TM4SF19: variants seen among roughly 807,000 people sequenced by gnomAD.
TM4SF19 encodes the protein transmembrane 4 L6 family member 19.
Under a neutral mutation model 21.8 loss-of-function variants are expected in TM4SF19, and 17 were observed. The ratio of observed to expected loss-of-function variants is 0.78; its 90% CI spans 0.53 to 1.17. The LOEUF is 1.17. TM4SF19 is among the 50% of genes most tolerant of loss of function. The probability of loss-of-function intolerance (pLI) is 0.00; values close to 1 mark genes in which losing one functional copy is unlikely to be tolerated. For synonymous variants in TM4SF19, 107 were observed against 106.7 expected (o/e 1.00, Z -0.02); for missense variants, 216 against 252.1 (o/e 0.86, Z 0.97).
chr3:196,336,460 CTA>C (rs1468526596), intron 1 of TM4SF19, among the ~76,000 whole-genome samples: 1 of 152,164 alleles, frequency 6.6e-6, no homozygotes, highest in Non-Finnish European at 1.5e-5. Flanking sequence ...AAAGGGGAAA[CTA>C]AAAATGATGG....
chr3:196,326,240 G>A (rs778225126), intron 3 of TM4SF19, among the ~76,000 whole-genome samples: 1 of 152,204 alleles, frequency 6.6e-6, no homozygotes, highest in Non-Finnish European at 1.5e-5. Context: ...CTCCCAAAGT[G>A]CTGGGATTAC....
rs545432630 is a variant in TM4SF19 at position 196,327,190 on chromosome 3, C to T, written c.202-158G>A. Among the ~76,000 whole-genome samples, 71 of 152,310 alleles carry T rather than the reference C, an allele frequency of 4.7e-4. 1 individual carries two copies. The highest frequency in any genetic ancestry group is 1.2e-3 in the African/African-American group (49 of 41,568). On this transcript the variant is annotated intron_variant, in intron 2 of 4. Transcript: ENST00000273695. Reference sequence around the variant, plus strand: ...CATTTGTATGACGAGCCTGATCTAACGCTGTGGATGTTAACTTTCACACCC... The same window carrying T: ...CATTTGTATGACGAGCCTGATCTAATGCTGTGGATGTTAACTTTCACACCC...
At chr3:196,331,472 T>C (rs1236418772) in intron 1 of TM4SF19, among the ~76,000 whole-genome samples, 3 of 151,544 alleles carry the variant, frequency 2.0e-5, no homozygotes, top group African/African-American at 4.8e-5. Flanking sequence ...ATTTAATTTA[T>C]TTATTTATTT....
chr3:196,337,060 T>C (rs1350758796), intron 1 of TM4SF19, among the ~76,000 whole-genome samples: 1 of 136,068 alleles, frequency 7.3e-6, no homozygotes, highest in Non-Finnish European at 1.6e-5. Context: ...TCTTTTTTTT[T>C]TTTTTTTTTT....
intron 1 of TM4SF19, among the ~76,000 whole-genome samples, chr3:196,332,094 C>T (rs1410453521): frequency 6.6e-6 from 1 of 151,934 alleles, no homozygotes; most frequent in African/African-American, 2.4e-5. Flanking sequence ...CATGGTGAAA[C>T]CCCGTCTCTA....
rs146878860 is a variant in TM4SF19 at position 196,323,857 on chromosome 3, T to C, written c.590A>G (p.Asn197Ser). The change falls in exon 5 of 5, where the codon AAC becomes AGC. Residue 197 changes from asparagine to serine, a missense_variant. Asn to Ser is a conservative substitution (Grantham distance 46). Coordinates refer to ENST00000273695, the MANE Select transcript of TM4SF19 (RefSeq NM_138461.4). The part of the protein sequence containing the change: ...QLLLVVVHVI[N>S]SLLGLFCSLC... ...GCTGCAGAAAAGGCCCAGGAGGCTG[T>C]TGATGACATGAACGACCACCAGGAG... 8,194 of 1,614,168 alleles carry C rather than the reference T, an allele frequency of 5.1e-3. 31 individuals carry two copies. Among genetic ancestry groups the C allele is most frequent in the Non-Finnish European group, 5.8e-3 (6,839 of 1,180,024 alleles).
chr3:196,326,389 AGTGTGTGTGT>A (rs10604679), intron 3 of TM4SF19, among the ~76,000 whole-genome samples: 20 of 150,312 alleles, frequency 1.3e-4, no homozygotes, highest in Admixed American at 6.6e-4. Context: ...TCTGAGAACG[AGTGTGTGTGT>A]GTGTGTGTGT....
At chr3:196,324,146 G>A (rs1045262776) in intron 4 of TM4SF19, 125 bp downstream of exon 4, 11 of 1,444,202 alleles carry the variant, frequency 7.6e-6, no homozygotes, top group Non-Finnish European at 1.1e-5. Flanking sequence ...GCAATTTTCT[G>A]AGTATCAGAG....
intron 1 of TM4SF19, among the ~76,000 whole-genome samples, chr3:196,328,299 TAAA>T (rs554680176): frequency 1.4e-5 from 2 of 140,178 alleles, no homozygotes; most frequent in East Asian, 4.1e-4. Context: ...GACTCCATCT[TAAA>T]AAAAAAAAAA....
chr3:196,324,099 G>C, intron 4 of TM4SF19, 102 bp from the exon 5 acceptor site: 1 of 1,487,388 alleles, frequency 6.7e-7, no homozygotes, highest in Non-Finnish European at 9.3e-7. Context: ...CGGGTCATGG[G>C]ACTGGGCTCA....
intron 1 of TM4SF19, among the ~76,000 whole-genome samples, chr3:196,331,359 C>T (rs1018761478): frequency 6.6e-6 from 1 of 151,228 alleles, no homozygotes; most frequent in Middle Eastern, 3.5e-3. Context: ...CAATGTGGAT[C>T]TGAAAAAAGT....
intron 3 of TM4SF19, 152 bp from the exon 4 acceptor site, chr3:196,324,592 C>T (rs536990271): frequency 1.2e-4 from 83 of 710,384 alleles, no homozygotes; most frequent in African/African-American, 1.2e-3. Context: ...AGTGTTCTTC[C>T]GTCCTGTCAT....
In TM4SF19 at chr3:196,324,124, AC is replaced by A. The variant is rs773391460; in HGVS notation, c.450-128del. On this transcript the variant is annotated intron_variant, in intron 4 of 4. Transcript: ENST00000273695. ...GACTGGGCTCATGAGGGTGACCGTTACTGCTCCATTTGCAATTTTCTGAGTA... is the reference window on the plus strand; with the variant it reads ...GACTGGGCTCATGAGGGTGACCGTTATGCTCCATTTGCAATTTTCTGAGTA... The A allele has an allele frequency of 9.1e-6, 13 of 1,431,988 alleles. No homozygotes were observed. In the South Asian group the frequency reaches 1.4e-4, roughly 16 times the overall value. 88.7% of individuals were successfully genotyped at this position (1,431,988 alleles called of 1,614,324 possible).
Position 196,324,356 on chromosome 3 carries a change from C to T in TM4SF19, c.364G>A (p.Gly122Ser), listed in dbSNP as rs759012019. 2 of 1,614,108 alleles carry T rather than the reference C, an allele frequency of 1.2e-6. No individual in the cohort carries two copies. The highest frequency in any genetic ancestry group is 2.2e-5 in the South Asian group (2 of 91,072). The part of the protein sequence containing the change: ...FVTSGVALKD[G>S]PFCMFDVSSF... ...GAAACATCAAACATGCAAAAAGGACCATCTTTCAGAGCAACTCCAGAAGTG... is the reference window on the plus strand; with the variant it reads ...GAAACATCAAACATGCAAAAAGGACTATCTTTCAGAGCAACTCCAGAAGTG... Residue 122 changes from glycine to serine, a missense_variant, in exon 4 of 5, where the codon GGT (glycine) becomes AGT (serine). By Grantham distance (56) the Gly-to-Ser change is moderately conservative (BLOSUM62 0). Transcript: ENST00000273695.
chr3:196,330,139 G>A (rs1428548349), intron 1 of TM4SF19, among the ~76,000 whole-genome samples: 2 of 129,500 alleles, frequency 1.5e-5, no homozygotes, highest in Admixed American at 8.6e-5. Context: ...CCCACCGCGC[G>A]CGGTGGTTTT....
intron 1 of TM4SF19, among the ~76,000 whole-genome samples, chr3:196,334,156 A>G (rs1215235108): frequency 6.6e-6 from 1 of 152,208 alleles, no homozygotes; most frequent in Non-Finnish European, 1.5e-5. Context: ...AAACACAACC[A>G]ATATCAAACA....
chr3:196,326,412 GTGTT>G (rs537329064), intron 3 of TM4SF19, among the ~76,000 whole-genome samples: 67 of 138,336 alleles, frequency 4.8e-4, no homozygotes, highest in African/African-American at 1.2e-3. Context: ...GTGTGTGTGT[GTGTT>G]TGTTACACAC....
At position 196,327,520 on chromosome 3, in the gene TM4SF19, G is replaced by A; in HGVS notation, c.71C>T (p.Thr24Ile). The A allele has an allele frequency of 6.2e-7, 1 of 1,614,148 alleles. No individual in the cohort carries two copies. The highest frequency in any genetic ancestry group is 8.5e-7 in the Non-Finnish European group (1 of 1,180,042). The change falls in exon 2 of 5, where the codon ACT becomes ATT. Residue 24 changes from threonine to isoleucine, a missense_variant. Thr to Ile is a moderately conservative substitution (Grantham distance 89). Transcript: ENST00000273695. ...GGCCCCAGCAGCAAACAGGGCTGCA[G>A]TCCCAAGGCTCAGTCCCAGGATACG... ...CSRILGLSLG[T>I]AALFAAGANV...
intron 1 of TM4SF19, among the ~76,000 whole-genome samples, chr3:196,332,481 A>C (rs1170796754): frequency 6.8e-6 from 1 of 146,962 alleles, no homozygotes; most frequent in Non-Finnish European, 1.5e-5. Context: ...GGAAAGAGGA[A>C]GGGGAAGGGG....
Sources: allele counts gnomAD v4.1 joint callset (sites outside exome capture counted in the v4.1 genomes callset), GRCh38; gene constraint gnomAD v4.1.1; transcripts MANE v1.5; gene names NCBI Gene and HGNC (gene_info 2026-07-23, HGNC 2026-07-21).